MROH9: variants seen among roughly 807,000 people sequenced by gnomAD.
MROH9 encodes the protein maestro heat like repeat family member 9, also known as maestro heat-like repeat-containing protein family member 9.
In MROH9, 92 loss-of-function variants were observed where a neutral mutation model predicts 98.2. The ratio of observed to expected loss-of-function variants is 0.94; its 90% CI spans 0.79 to 1.11. The LOEUF is 1.11. Ranked by LOEUF, MROH9 falls within the 50% of genes most tolerant of loss-of-function variation. The pLI is 0.00. For synonymous variants in MROH9, 397 were observed against 368.9 expected (o/e 1.08, Z -0.87); for missense variants, 1,057 against 1,014.8 (o/e 1.04, Z -0.57).
rs372445945 is a variant in MROH9, at chr1:170,971,870, A to C, written c.603A>C (p.Ala201=). The part of the protein sequence containing the change: ...SLGMCHLLYI[A]RCQNDIGTNK... ...GAATGTGTCACCTCCTCTACATTGC[A>C]CGGTGTCAGAACGGTAAGAACAGTT... The change falls in exon 8 of 22, where the codon GCA becomes GCC. Residue 201 remains alanine, a synonymous_variant. Transcript: ENST00000367759. 12 of 1,614,030 alleles carry C rather than the reference A, an allele frequency of 7.4e-6. No homozygotes were observed. The highest frequency in any genetic ancestry group is 1.3e-5 in the African/African-American group (1 of 75,036).
chr1:171,011,063 T>C (rs1375199980), intron 15 of MROH9, among the ~76,000 whole-genome samples: 1 of 152,170 alleles, frequency 6.6e-6, no homozygotes, highest in Non-Finnish European at 1.5e-5. Flanking sequence ...TTCTAGGACT[T>C]TTAGTAACAT....
Position 171,059,739 on chromosome 1 carries a change from C to T in MROH9, c.2282-2393C>T, listed in dbSNP as rs148653738. ...ATCATGTCCTTTGCAGGGACATGGA[C>T]GAAGATGGAAGCCATCATCCTCAGC... On this transcript the variant is annotated intron_variant, in intron 20 of 21. Coordinates refer to ENST00000367759, the MANE Select transcript of MROH9 (RefSeq NM_001163629.2). Among the ~76,000 whole-genome samples, 548 of 152,096 alleles carry T rather than the reference C, an allele frequency of 3.6e-3. 5 individuals carry two copies. Among genetic ancestry groups the T allele is most frequent in the African/African-American group, 0.012 (506 of 41,472 alleles).
chr1:171,011,949 C>G (rs1473204514), intron 15 of MROH9, among the ~76,000 whole-genome samples: 3 of 151,792 alleles, frequency 2.0e-5, no homozygotes, highest in Non-Finnish European at 4.4e-5. Context: ...TTCTTTAGCA[C>G]TGTTTTATAT....
chr1:170,965,395 AG>A, intron 7 of MROH9, 140 bp downstream of exon 7: 2 of 563,052 alleles, frequency 3.6e-6, no homozygotes, highest in Non-Finnish European at 6.4e-6. Context: ...ATATCAGAAA[AG>A]GAGTCAATAT....
In MROH9 at chr1:171,016,165, A is replaced by C. The variant is rs1256723338; in HGVS notation, c.1737A>C (p.Thr579=). The C allele has an allele frequency of 5.5e-6, 8 of 1,462,856 alleles. No homozygotes were observed. In the East Asian group the frequency reaches 1.9e-4, roughly 35 times the overall value. The allele number at this position is 1,462,856 out of a possible 1,614,324, so 90.6% of individuals were successfully genotyped here. The stretch of plus-strand genomic sequence containing the variant: ...CCATTTTTTCCTTTTATATGTAGAC[A>C]GAAAATGTCAGCAGTATATTAATAG... ...IVHMSPIINK[T]ENVSSILIAI... The change falls in exon 17 of 22, where the codon ACA becomes ACC. Residue 579 remains threonine (T), a splice_region_variant and synonymous_variant. Coordinates refer to ENST00000367759, the MANE Select transcript of MROH9 (RefSeq NM_001163629.2).
rs368277275 is a variant in MROH9 at position 170,998,404 on chromosome 1, A to G, written c.1596+130A>G. The stretch of plus-strand genomic sequence containing the variant: ...TTACCAAGACTTAAGATCATGAAAG[A>G]TATCTGAAGTCGGATGGGGAGAGGT... On this transcript the variant is annotated intron_variant, in intron 15 of 21. Transcript: ENST00000367759. The G allele has an allele frequency of 2.6e-4, 420 of 1,607,222 alleles. 1 individual carries two copies. Among genetic ancestry groups the G allele is most frequent in the Admixed American group, 8.4e-5 (5 of 59,754 alleles).
intron 1 of MROH9, among the ~76,000 whole-genome samples, chr1:170,942,434 A>T (rs1488939891): frequency 6.6e-6 from 1 of 150,976 alleles, no homozygotes; most frequent in Non-Finnish European, 1.5e-5. Context: ...CGATAATTTT[A>T]TCAAGAGTAA....
intron 8 of MROH9, among the ~76,000 whole-genome samples, chr1:170,979,428 A>G (rs925891602): frequency 6.6e-6 from 1 of 152,246 alleles, no homozygotes; most frequent in Non-Finnish European, 1.5e-5. Context: ...TAAAGGAGTG[A>G]GCAAAAACTT....
intron 8 of MROH9, among the ~76,000 whole-genome samples, chr1:170,973,206 T>C (rs1650539380): frequency 1.3e-5 from 2 of 152,190 alleles, no homozygotes; most frequent in African/African-American, 4.8e-5. Flanking sequence ...AGCTGAGTAC[T>C]AATGAGAACA....
At chr1:170,998,306 C>G (rs1418537691) in intron 15 of MROH9, 32 bp downstream of exon 15, 1 of 1,613,200 alleles carries the variant, frequency 6.2e-7, no homozygotes, top group East Asian at 2.2e-5. Flanking sequence ...CAGCTGTGTT[C>G]TCATTTCCTT....
chr1:170,940,887 T>G (rs56299419), intron 1 of MROH9, among the ~76,000 whole-genome samples: 14,707 of 152,198 alleles, frequency 0.097, 1,120 homozygotes, highest in African/African-American at 0.21. Flanking sequence ...TTGGCTTTTC[T>G]CGCCATAATA....
intron 20 of MROH9, among the ~76,000 whole-genome samples, chr1:171,027,307 T>G (rs1187203951): frequency 6.6e-6 from 1 of 152,222 alleles, no homozygotes; most frequent in Non-Finnish European, 1.5e-5. Flanking sequence ...ATGTGGTATT[T>G]CATTTTCTGT....
chr1:170,993,944 C>G lies in MROH9; in HGVS notation c.1195-1445C>G, dbSNP rs191695145. 5.1e-4 allele frequency among the ~76,000 whole-genome samples: 78 copies of G among 152,178 alleles called. No individual in the cohort carries two copies. In the East Asian group the frequency reaches 0.011, roughly 21 times the overall value. ...ATTATTTTCTCCAATTTGCTATATA[C>G]TACATATTTCATTTCCTAGACTGCA... On this transcript the variant is annotated intron_variant, in intron 12 of 21. Transcript: ENST00000367759.
intron 15 of MROH9, among the ~76,000 whole-genome samples, chr1:171,006,991 C>A (rs1651975276): frequency 6.6e-6 from 1 of 152,054 alleles, no homozygotes. Context: ...ACTACTGGAG[C>A]TTTATAAGTC....
intron 12 of MROH9, among the ~76,000 whole-genome samples, chr1:170,992,735 A>C (rs750779365): frequency 2.0e-5 from 3 of 152,148 alleles, no homozygotes; most frequent in Non-Finnish European, 4.4e-5. Flanking sequence ...GACTGAGAGA[A>C]GGGAAAAGTC....
At chr1:170,958,674 C>A (rs962834447) in intron 4 of MROH9, 134 bp downstream of exon 4, 2 of 565,374 alleles carry the variant, frequency 3.5e-6, no homozygotes, top group East Asian at 2.8e-5. Flanking sequence ...ACTACTATTT[C>A]TTTCTTATAC....
intron 12 of MROH9, 122 bp downstream of exon 12, chr1:170,992,451 T>TGAGAA: frequency 1.0e-6 from 1 of 994,638 alleles, no homozygotes; most frequent in Non-Finnish European, 1.5e-6. Context: ...CATCCATTCA[T>TGAGAA]GCAACACATA....
At chr1:171,034,343 T>A (rs902962023) in intron 20 of MROH9, among the ~76,000 whole-genome samples, 1 of 152,182 alleles carries the variant, frequency 6.6e-6, no homozygotes, top group Non-Finnish European at 1.5e-5. Context: ...ATCTAACTAA[T>A]GGATGAATGG....
At chr1:171,055,716 C>A (rs1571173080) in intron 20 of MROH9, among the ~76,000 whole-genome samples, 1 of 151,384 alleles carries the variant, frequency 6.6e-6, no homozygotes, top group East Asian at 1.9e-4. Flanking sequence ...ATTGAGGGGC[C>A]AAGATGTCCA....
Sources: gnomAD v4.1 joint callset for allele counts (sites outside exome capture counted in the v4.1 genomes callset) on GRCh38, gnomAD v4.1.1 for gene constraint, MANE v1.5 for transcripts, NCBI Gene and HGNC (gene_info 2026-07-23, HGNC 2026-07-21) for gene names.